Variants in COL5A1 observed in about 807,000 individuals in gnomAD.
COL5A1 encodes collagen alpha-1(V) chain.
COL5A1 carries 16 observed loss-of-function variants against 263.7 expected under a neutral mutation model. The ratio of observed to expected loss-of-function variants is 0.06; its 90% confidence interval spans 0.04 to 0.09. The LOEUF (loss-of-function observed/expected upper bound fraction) is 0.09. Ranked by LOEUF, COL5A1 falls within the 10% of genes least tolerant of loss-of-function variation. COL5A1 has a pLI of 1.00. For missense variants in COL5A1, 2,036 were observed against 2,540.5 expected, an observed-to-expected ratio of 0.80 and a Z score of 4.27; for synonymous variants, 1,012 against 1,004.5, an observed-to-expected ratio of 1.01 and a Z score of -0.14.
intron 1 of COL5A1, among the ~76,000 whole-genome samples, chr9:134,685,464 C>CCACCATCCATCCATT (rs1833021815): frequency 3.4e-5 from 2 of 58,158 alleles, no homozygotes; most frequent in Non-Finnish European, 7.2e-5. Context: ...ATCCATCCAT[C>CCACCATCCATCCATT]CATTCATCCA....
At position 134,754,457 on chromosome 9, in the gene COL5A1, G is replaced by A. The variant is rs1588506527; in HGVS notation, c.1827+131G>A. The A allele has an allele frequency of 9.7e-7, 1 of 1,030,478 alleles. No homozygotes were observed. The highest frequency in any genetic ancestry group is 1.5e-6 in the Non-Finnish European group (1 of 663,688). 63.8% of individuals were successfully genotyped at this position (1,030,478 alleles called of 1,614,324 possible). On this transcript the variant is annotated intron_variant, in intron 16 of 65. Coordinates refer to ENST00000371817, the MANE Select transcript of COL5A1 (RefSeq NM_000093.5). This position sits in a 1 kb window ranked among gnomAD's most constrained non-coding sequence, Gnocchi z 4.3. ...CAGGTGGCTCCCCTTCTTGTGATGG[G>A]TGCGTCCATCCCCAAGGCTGCCTCT...
At chr9:134,835,474 C>A (rs569456887) in intron 65 of COL5A1, among the ~76,000 whole-genome samples, 1 of 152,340 alleles carries the variant, frequency 6.6e-6, no homozygotes, top group South Asian at 2.1e-4. Context: ...GGGTCCCTCG[C>A]CCCATCCAGG....
In COL5A1 at chr9:134,747,928, TAC is replaced by T. The variant is rs199866097; in HGVS notation, c.1495-2608_1495-2607del. Among the ~76,000 whole-genome samples the T allele has an allele frequency of 8.1e-3, 1,048 of 130,164 alleles. 21 individuals carry two copies. Among genetic ancestry groups the T allele is most frequent in the East Asian group, 0.047 (198 of 4,188 alleles). The allele number at this position is 130,164 out of a possible 152,430, so 85.4% of individuals were successfully genotyped here. A position where few individuals can be genotyped will look rare whatever the true frequency, so the allele number is the denominator to read the frequency against. ...GCAGACACATGCACACATGCATTCA[TAC>T]ACACATGCATTCATACACATGCAGA... On this transcript the variant is annotated intron_variant, in intron 11 of 65. Transcript: ENST00000371817.
rs745398683 is a variant in COL5A1, at chr9:134,789,245, C to T, written c.2700+37C>T. The T allele has an allele frequency of 9.5e-6, 15 of 1,573,522 alleles. No homozygotes were observed. The highest frequency in any genetic ancestry group is 4.1e-5 in the African/African-American group (3 of 74,038). ...CTGGCCCCTGGGCAGGCAGCTTGTTCGGCTGCCTCGGTGCCTAGCAAGTTG... is the reference window on the plus strand; with the variant it reads ...CTGGCCCCTGGGCAGGCAGCTTGTTTGGCTGCCTCGGTGCCTAGCAAGTTG... On this transcript the variant is annotated intron_variant, in intron 32 of 65. Transcript: ENST00000371817. The surrounding 1 kb of genome is among the most constrained non-coding windows in gnomAD (Gnocchi z 4.8).
intron 19 of COL5A1, 111 bp downstream of exon 19, chr9:134,762,089 G>A: frequency 9.0e-7 from 1 of 1,111,926 alleles, no homozygotes. Flanking sequence ...TGCCGCATGT[G>A]GAGGGCCAGC....
intron 11 of COL5A1, among the ~76,000 whole-genome samples, chr9:134,743,636 C>A (rs1355988682): frequency 6.6e-6 from 1 of 152,178 alleles, no homozygotes; most frequent in African/African-American, 2.4e-5. Flanking sequence ...CAGTGGGATG[C>A]ATTTGATGCC....
chr9:134,788,364 G>A (rs1837542604), intron 31 of COL5A1, among the ~76,000 whole-genome samples: 1 of 151,886 alleles, frequency 6.6e-6, no homozygotes, highest in Non-Finnish European at 1.5e-5. Context: ...GGATGGGTGG[G>A]CAGGTAAGTA....
intron 32 of COL5A1, among the ~76,000 whole-genome samples, chr9:134,791,940 G>A (rs899771233): frequency 2.0e-5 from 3 of 152,196 alleles, no homozygotes; most frequent in African/African-American, 7.2e-5. Context: ...GATGATGAAG[G>A]ACAAGGGTGA....
intron 1 of COL5A1, among the ~76,000 whole-genome samples, chr9:134,683,340 G>A (rs1049003609): frequency 2.6e-5 from 4 of 152,134 alleles, no homozygotes; most frequent in African/African-American, 9.7e-5. Flanking sequence ...AGCCCGTCGC[G>A]GGCTGATCAC....
intron 6 of COL5A1, among the ~76,000 whole-genome samples, chr9:134,729,038 G>A (rs1434672350): frequency 2.0e-5 from 3 of 152,240 alleles, no homozygotes; most frequent in Non-Finnish European, 4.4e-5. Context: ...GTATACAGGG[G>A]AGCATCTGCC....
intron 32 of COL5A1, among the ~76,000 whole-genome samples, chr9:134,791,163 G>A (rs1337932248): frequency 6.6e-6 from 1 of 152,228 alleles, no homozygotes; most frequent in African/African-American, 2.4e-5. Context: ...ACATGCCCCA[G>A]TCACACATAG....
intron 1 of COL5A1, among the ~76,000 whole-genome samples, chr9:134,643,477 A>C (rs1383528032): frequency 6.6e-6 from 1 of 152,172 alleles, no homozygotes; most frequent in Non-Finnish European, 1.5e-5. Context: ...TCCGCTTGTC[A>C]ATTAAAACAC....
At chr9:134,817,437 T>C (rs4373595) in intron 53 of COL5A1, among the ~76,000 whole-genome samples, 4,825 of 152,336 alleles carry the variant, frequency 0.032, 252 homozygotes, top group African/African-American at 0.1. Flanking sequence ...AGCCACTTGC[T>C]GGTGGGGCAG....
In COL5A1 at chr9:134,699,938, C is replaced by A; in HGVS notation, c.307C>A (p.Leu103Ile). The A allele has an allele frequency of 6.2e-7, 1 of 1,614,010 alleles. No individual in the cohort carries two copies. Among genetic ancestry groups the A allele is most frequent in the Non-Finnish European group, 8.5e-7 (1 of 1,180,030 alleles). ...ASAFPEDFSI[L>I]TTVKAKKGSQ... ...TGCATTTCCCGAGGACTTCTCCATCCTAACAACTGTGAAAGCCAAGAAAGG... is the reference window on the plus strand; with the variant it reads ...TGCATTTCCCGAGGACTTCTCCATCATAACAACTGTGAAAGCCAAGAAAGG... Residue 103 changes from leucine to isoleucine, a missense_variant, in exon 3 of 66, where the codon CTA becomes ATA. Leu to Ile is a conservative substitution (Grantham distance 5). Around this residue, in one of 3 missense-constraint regions of COL5A1, gnomAD observed 600 missense variants for 634.5 expected, o/e 0.95. Transcript: ENST00000371817.
In COL5A1 at chr9:134,821,140, C is replaced by T. The variant is rs1221144548; in HGVS notation, c.4554+917C>T. Among the ~76,000 whole-genome samples the T allele has an allele frequency of 2.0e-5, 3 of 152,102 alleles. No individual in the cohort carries two copies. The highest frequency in any genetic ancestry group is 7.2e-5 in the African/African-American group (3 of 41,406). On this transcript the variant is annotated intron_variant, in intron 58 of 65. Transcript: ENST00000371817. The surrounding 1 kb of genome is among the most constrained non-coding windows in gnomAD (Gnocchi z 4.2). ...CGGTATCCCCAGGCCACAGCAGGGT[C>T]GTCGGAGGAGTGCCGCCCAGGGTGT...
Position 134,680,392 on chromosome 9 carries a change from G to A in COL5A1, c.110-10520G>A, listed in dbSNP as rs935608788. Among the ~76,000 whole-genome samples the A allele has an allele frequency of 6.6e-6, 1 of 152,186 alleles. No homozygotes were observed. The highest frequency in any genetic ancestry group is 2.4e-5 in the African/African-American group (1 of 41,442). On this transcript the variant is annotated intron_variant, in intron 1 of 65. Transcript: ENST00000371817. The surrounding 1 kb of genome is among the most constrained non-coding windows in gnomAD (Gnocchi z 5.9). ...GGTGGGCAGAGTCATTTTTACAAAG[G>A]TTGGTGGCATGGAGGGGTGGGGACA...
At chr9:134,731,939 C>A in intron 8 of COL5A1, 132 bp from the exon 9 acceptor site, 1 of 1,098,134 alleles carries the variant, frequency 9.1e-7, no homozygotes, top group Non-Finnish European at 1.4e-6. Context: ...TGCCATCCTC[C>A]TGGGCCTGGG....
At chr9:134,748,494 A>G (rs959458720) in intron 11 of COL5A1, among the ~76,000 whole-genome samples, 2 of 152,254 alleles carry the variant, frequency 1.3e-5, no homozygotes, top group Non-Finnish European at 2.9e-5. Flanking sequence ...CTTAAATGCA[A>G]GGTTTGGTTT....
chr9:134,654,174 A>ATAGGGCTGGAGGTGTG (rs1831808858), intron 1 of COL5A1, among the ~76,000 whole-genome samples: 2 of 39,360 alleles, frequency 5.1e-5, no homozygotes, highest in Non-Finnish European at 9.8e-5. Context: ...CTGGAGGTGT[A>ATAGGGCTGGAGGTGTG]TAGGGCTGGA....
Sources: gnomAD v4.1 joint callset for allele counts (sites outside exome capture counted in the v4.1 genomes callset) on GRCh38, gnomAD v4.1.1 for gene constraint, gnomAD v4.1.1 regional missense constraint, Gnocchi (gnomAD v3.1) non-coding constraint, MANE v1.5 for transcripts, NCBI Gene and HGNC (gene_info 2026-07-23, HGNC 2026-07-21) for gene names.